The following ZNF280D variants were observed in gnomAD, a reference collection of about 807,000 sequenced individuals.
ZNF280D encodes the protein suppressor of hairy wing homolog 4.
ZNF280D carries 39 observed loss-of-function variants against 94.7 expected under a neutral mutation model. The observed-to-expected ratio is 0.41, with a 90% CI of 0.32 to 0.54. The LOEUF is 0.54. Ranked by LOEUF, ZNF280D falls within the 20% of genes least tolerant of loss-of-function variation. ZNF280D has a pLI of 0.22. For missense variants in ZNF280D, 1,090 were observed against 1,149.3 expected, an observed-to-expected ratio of 0.95 and a Z score of 0.75; for synonymous variants, 398 against 377.6, an observed-to-expected ratio of 1.05 and a Z score of -0.63.
chr15:56,677,546 T>G (rs1196032338), intron 12 of ZNF280D, 28 bp downstream of exon 12: 1 of 1,520,836 alleles, frequency 6.6e-7, no homozygotes. Context: ...AACCAAACAC[T>G]TAAAAAAACA....
At chr15:56,721,505 G>A (rs373009585) in intron 1 of ZNF280D, among the ~76,000 whole-genome samples, 8 of 152,226 alleles carry the variant, frequency 5.3e-5, no homozygotes, top group East Asian at 1.9e-4. Context: ...TAGTGTAGCC[G>A]CCCTCATAAA....
At chr15:56,719,386 T>C (rs1388972556) in intron 1 of ZNF280D, among the ~76,000 whole-genome samples, 4 of 151,674 alleles carry the variant, frequency 2.6e-5, no homozygotes, top group Non-Finnish European at 4.4e-5. Context: ...CTCCCTCCTC[T>C]TTCGCTTCCT....
rs191664076 is a variant in ZNF280D, at chr15:56,724,122, G to A, written c.-86+9336C>T. On this transcript the variant is annotated intron_variant, in intron 1 of 21. Coordinates refer to ENST00000267807, the MANE Select transcript of ZNF280D (RefSeq NM_017661.4). ...AAAAGATCAAAATTCAAAACTTGAAGTACAGTTTCTACTAAATGTATATTG... is the reference window on the plus strand; with the variant it reads ...AAAAGATCAAAATTCAAAACTTGAAATACAGTTTCTACTAAATGTATATTG... 1.5e-4 allele frequency among the ~76,000 whole-genome samples: 23 copies of A among 152,234 alleles called. No homozygotes were observed. The East Asian group carries it at 4.3e-3, about 28-fold the overall frequency.
At chr15:56,685,017 G>T (rs1227715769) in intron 9 of ZNF280D, among the ~76,000 whole-genome samples, 1 of 152,054 alleles carries the variant, frequency 6.6e-6, no homozygotes, top group East Asian at 1.9e-4. Context: ...CTTATAAAAG[G>T]CAAAATAATT....
chr15:56,676,944 A>T, intron 12 of ZNF280D, 128 bp from the exon 13 acceptor site: 1 of 667,756 alleles, frequency 1.5e-6, no homozygotes. Context: ...ATGCCTTTGC[A>T]ACCAAGAATC....
intron 20 of ZNF280D, 164 bp from the exon 21 acceptor site, chr15:56,635,414 A>C (rs1189002873): frequency 1.4e-5 from 3 of 207,568 alleles, no homozygotes; most frequent in Non-Finnish European, 2.8e-5. Flanking sequence ...ATACTCCATA[A>C]TTATATGCAG....
At chr15:56,633,651 C>A (rs1009173659) in intron 21 of ZNF280D, among the ~76,000 whole-genome samples, 1 of 151,656 alleles carries the variant, frequency 6.6e-6, no homozygotes, top group African/African-American at 2.4e-5. Flanking sequence ...CCACCAAGCC[C>A]GGCTAATTTT....
At chr15:56,685,076 G>C (rs1211774146) in intron 9 of ZNF280D, among the ~76,000 whole-genome samples, 1 of 152,080 alleles carries the variant, frequency 6.6e-6, no homozygotes, top group Non-Finnish European at 1.5e-5. Flanking sequence ...TAGAAAACGG[G>C]AGCTATACCA....
intron 14 of ZNF280D, 103 bp from the exon 15 acceptor site, chr15:56,667,089 G>T: frequency 1.1e-6 from 1 of 894,050 alleles, no homozygotes; most frequent in Non-Finnish European, 1.6e-6. Context: ...TTTGAAAAAA[G>T]CACATATAAA....
At position 56,668,868 on chromosome 15, in the gene ZNF280D, T is replaced by C. The variant is rs1230385886; in HGVS notation, c.1500A>G (p.Thr500=). 6.2e-7 allele frequency: 1 copy of C among 1,611,278 alleles called. No individual in the cohort carries two copies. Among genetic ancestry groups the C allele is most frequent in the Admixed American group, 1.7e-5 (1 of 59,676 alleles). The change falls in exon 14 of 22, where the codon ACA becomes ACG. Residue 500 remains threonine, a synonymous_variant. Coordinates refer to ENST00000267807, the MANE Select transcript of ZNF280D (RefSeq NM_017661.4). ...KMDHKTQHHR[T]FIKPKQLEGL... is the part of the protein sequence containing the mutation. Reference sequence around the variant, plus strand: ...CTTCTAGTTGTTTAGGTTTTATAAATGTTCGATGGTGTTGAGTCTTATGAT... The same window carrying C: ...CTTCTAGTTGTTTAGGTTTTATAAACGTTCGATGGTGTTGAGTCTTATGAT...
chr15:56,651,544 T>C (rs1459878317), intron 19 of ZNF280D, among the ~76,000 whole-genome samples: 5 of 151,942 alleles, frequency 3.3e-5, no homozygotes, highest in Admixed American at 3.3e-4. Flanking sequence ...TGATACATAC[T>C]ATAAAAAAAA....
At chr15:56,720,659 C>T (rs1442049937) in intron 1 of ZNF280D, among the ~76,000 whole-genome samples, 2 of 152,104 alleles carry the variant, frequency 1.3e-5, no homozygotes, top group Non-Finnish European at 2.9e-5. Flanking sequence ...AAGACTTGAA[C>T]TGAAAGTTGA....
intron 21 of ZNF280D, among the ~76,000 whole-genome samples, chr15:56,632,475 A>C (rs1411249568): frequency 6.6e-6 from 1 of 150,568 alleles, no homozygotes; most frequent in Non-Finnish European, 1.5e-5. Context: ...ATATTTGGAA[A>C]AAAATCTATA....
chr15:56,733,238 T>C (rs2058990031), intron 1 of ZNF280D, among the ~76,000 whole-genome samples: 1 of 152,054 alleles, frequency 6.6e-6, no homozygotes, highest in African/African-American at 2.4e-5. Flanking sequence ...GGCTGCCGCG[T>C]CGCGCCGGGA....
intron 20 of ZNF280D, among the ~76,000 whole-genome samples, chr15:56,636,188 C>G (rs1300914479): frequency 2.0e-5 from 3 of 152,120 alleles, no homozygotes; most frequent in Non-Finnish European, 4.4e-5. Flanking sequence ...AATTGCTAAA[C>G]AGATTTCACC....
chr15:56,698,857 GA>G (rs1418729728), intron 6 of ZNF280D: 2 of 152,122 alleles, frequency 1.3e-5, no homozygotes, highest in East Asian at 3.9e-4. Context: ...TTAAGGAACT[GA>G]ATGCTACCAA....
chr15:56,655,849 T>C (rs2053519622), intron 17 of ZNF280D, among the ~76,000 whole-genome samples: 1 of 152,208 alleles, frequency 6.6e-6, no homozygotes, highest in South Asian at 2.1e-4. Flanking sequence ...ACACCAAGCA[T>C]TTGAAGTGCT....
At position 56,669,902 on chromosome 15, in the gene ZNF280D, A is replaced by ATATATATT. The variant is rs1491164823; in HGVS notation, c.1411-946_1411-945insAATATATA. ...ATATATATATATTATATATATATAT[A>ATATATATT]ATATATATATATTATATATATATTA... On this transcript the variant is annotated intron_variant, in intron 13 of 21. Coordinates refer to ENST00000267807, the MANE Select transcript of ZNF280D (RefSeq NM_017661.4). 3.3e-3 allele frequency among the ~76,000 whole-genome samples: 9 copies of ATATATATT among 2,742 alleles called. 2 individuals carry two copies. The highest frequency in any genetic ancestry group is 0.019 in the South Asian group (1 of 52). 1.8% of individuals were successfully genotyped at this position (2,742 alleles called of 152,430 possible). A position where few individuals can be genotyped will look rare whatever the true frequency, so the allele number is the denominator to read the frequency against.
chr15:56,663,013 G>C (rs1485969591), intron 16 of ZNF280D, among the ~76,000 whole-genome samples: 2 of 151,610 alleles, frequency 1.3e-5, no homozygotes, highest in African/African-American at 2.4e-5. Flanking sequence ...AGGTGCAGAG[G>C]GGGTGCTCAG....
Sources: allele counts gnomAD v4.1 joint callset (sites outside exome capture counted in the v4.1 genomes callset), GRCh38; gene constraint gnomAD v4.1.1; transcripts MANE v1.5; gene names NCBI Gene and HGNC (gene_info 2026-07-23, HGNC 2026-07-21).